The following ST8SIA5 variants were observed in gnomAD, a reference collection of about 807,000 sequenced individuals.
ST8SIA5 encodes the protein ST8 alpha-N-acetyl-neuraminide alpha-2,8-sialyltransferase 5.
ST8SIA5 carries 24 observed loss-of-function variants against 40.2 expected under a neutral mutation model. The observed-to-expected ratio is 0.60, with a 90% CI of 0.43 to 0.84. The LOEUF (loss-of-function observed/expected upper bound fraction) is 0.84. Ranked by LOEUF, ST8SIA5 falls within the 40% of genes least tolerant of loss-of-function variation. ST8SIA5 has a pLI of 0.00. For synonymous variants in ST8SIA5, 198 were observed against 201.8 expected, an observed-to-expected ratio of 0.98 and a Z score of 0.16; for missense variants, 465 against 498.5, an observed-to-expected ratio of 0.93 and a Z score of 0.64.
chr18:46,755,425 A>G (rs17779802), intron 1 of ST8SIA5, among the ~76,000 whole-genome samples: 11,952 of 152,268 alleles, frequency 0.078, 635 homozygotes, highest in South Asian at 0.15. Flanking sequence ...GCAGCAAACT[A>G]AAAAACAGCC....
At position 46,679,215 on chromosome 18, in the gene ST8SIA5, T is replaced by C. The variant is rs1367376389; in HGVS notation, c.*827A>G. 1 of 152,204 alleles carries C rather than the reference T, an allele frequency of 6.6e-6. No homozygotes were observed. Among genetic ancestry groups the C allele is most frequent in the Admixed American group, 6.5e-5 (1 of 15,290 alleles). 9.4% of individuals were successfully genotyped at this position (152,204 alleles called of 1,614,324 possible). On this transcript the variant is annotated 3_prime_UTR_variant, in exon 7 of 7. Coordinates refer to ENST00000315087, the MANE Select transcript of ST8SIA5 (RefSeq NM_013305.6). ...AGCCAATTGCTAAGCACTTATTGAGTCAATAACATTGGCTTGGAAGCCATA... is the reference window on the plus strand; with the variant it reads ...AGCCAATTGCTAAGCACTTATTGAGCCAATAACATTGGCTTGGAAGCCATA...
In ST8SIA5 at chr18:46,669,530, GC is replaced by G. The variant is rs2039295992; in HGVS notation, c.*10511del. 6.6e-6 allele frequency: 1 copy of G among 152,118 alleles called. No homozygotes were observed. Among genetic ancestry groups the G allele is most frequent in the Non-Finnish European group, 1.5e-5 (1 of 68,052 alleles). The allele number at this position is 152,118 out of a possible 1,614,324, so 9.4% of individuals were successfully genotyped here. A position where few individuals can be genotyped will look rare whatever the true frequency, so the allele number is the denominator to read the frequency against. On this transcript the variant is annotated 3_prime_UTR_variant, in exon 7 of 7. Transcript: ENST00000315087. ...TTTAAATTCACCAAAAAACACCCAG[GC>G]CTGAGTCACTGCAGAGCCAGCACAC...
intron 1 of ST8SIA5, among the ~76,000 whole-genome samples, chr18:46,710,688 C>G (rs537783598): frequency 6.6e-6 from 1 of 151,906 alleles, no homozygotes; most frequent in East Asian, 1.9e-4. Context: ...GGGTCTGGCC[C>G]TCTGAGAGCC....
chr18:46,756,441 A>G lies in ST8SIA5; in HGVS notation c.68T>C (p.Ile23Thr). 1.2e-6 allele frequency: 2 copies of G among 1,613,266 alleles called. No individual in the cohort carries two copies. Among genetic ancestry groups the G allele is most frequent in the Non-Finnish European group, 1.7e-6 (2 of 1,179,364 alleles). ...CAAGGTCACCAAGGCAAAGGCGCAG[A>G]TGAAGATGAAGAGCAAAGTTCGGCT... is the stretch of plus-strand genomic sequence containing the variant. ...LGSRTLLFIF[I>T]CAFALVTLLQ... Residue 23 changes from isoleucine (I) to threonine (T), a missense_variant, in exon 1 of 7, where the codon ATC becomes ACC. Physicochemically the swap from Ile to Thr is moderately conservative, Grantham distance 89. Coordinates refer to ENST00000315087, the MANE Select transcript of ST8SIA5 (RefSeq NM_013305.6).
chr18:46,742,202 T>TA (rs924003876), intron 1 of ST8SIA5, among the ~76,000 whole-genome samples: 3 of 152,082 alleles, frequency 2.0e-5, no homozygotes, highest in African/African-American at 7.2e-5. Context: ...GAAAATATCT[T>TA]AAAAAAATAA....
rs16960377 is a variant in ST8SIA5, at chr18:46,673,444, G to A, written c.*6598C>T. 0.07 allele frequency: 10,690 copies of A among 152,052 alleles called. 568 individuals carry two copies. Among genetic ancestry groups the A allele is most frequent in the East Asian group, 0.33 (1,663 of 5,068 alleles). The allele number at this position is 152,052 out of a possible 1,614,324, so 9.4% of individuals were successfully genotyped here. On this transcript the variant is annotated 3_prime_UTR_variant, in exon 7 of 7. Transcript: ENST00000315087. ...CTCAAGGCTCCAGTCTGAATTTCAA[G>A]CCATACATGGCCACTCAACTGGTGG...
chr18:46,730,317 C>G, intron 1 of ST8SIA5: 1 of 921,840 alleles, frequency 1.1e-6, no homozygotes, highest in Non-Finnish European at 1.3e-6. Flanking sequence ...GTTTTCTCAT[C>G]CGTCAAAGGG....
chr18:46,687,998 A>G (rs1435560631), intron 4 of ST8SIA5, among the ~76,000 whole-genome samples: 1 of 152,228 alleles, frequency 6.6e-6, no homozygotes, highest in African/African-American at 2.4e-5. Flanking sequence ...GTGAGTCTGC[A>G]CCAACCGTCA....
chr18:46,736,245 C>T (rs894101591), intron 1 of ST8SIA5, among the ~76,000 whole-genome samples: 1 of 152,200 alleles, frequency 6.6e-6, no homozygotes, highest in Non-Finnish European at 1.5e-5. Flanking sequence ...TTCCAGTGCT[C>T]AGTAGTCACA....
chr18:46,711,871 A>T (rs78863685), intron 1 of ST8SIA5, among the ~76,000 whole-genome samples: 4,208 of 152,182 alleles, frequency 0.028, 84 homozygotes, highest in Non-Finnish European at 0.042. Flanking sequence ...GCCACAGTTC[A>T]CTCATCTGTC....
chr18:46,706,789 G>T (rs1311949561), intron 1 of ST8SIA5, among the ~76,000 whole-genome samples: 1 of 152,208 alleles, frequency 6.6e-6, no homozygotes, highest in Non-Finnish European at 1.5e-5. Flanking sequence ...CAAGGCTCAA[G>T]GCATGGTTTT....
chr18:46,679,976 C>G lies in ST8SIA5; in HGVS notation c.*66G>C. ...CCCCACGCTGCCCGGTTCGGGGCTC[C>G]CAGTTCCACCAGGAGGGACAGCAGG... On this transcript the variant is annotated 3_prime_UTR_variant, in exon 7 of 7. Transcript: ENST00000315087. 1 of 1,497,582 alleles carries G rather than the reference C, an allele frequency of 6.7e-7. No homozygotes were observed. Among genetic ancestry groups the G allele is most frequent in the East Asian group, 2.3e-5 (1 of 43,542 alleles). 92.8% of individuals were successfully genotyped at this position (1,497,582 alleles called of 1,614,324 possible).
intron 1 of ST8SIA5, among the ~76,000 whole-genome samples, chr18:46,717,008 G>A (rs2039798769): frequency 6.6e-6 from 1 of 152,248 alleles, no homozygotes; most frequent in South Asian, 2.1e-4. Flanking sequence ...TGCTGGGACA[G>A]TGTCTGGGGG....
intron 1 of ST8SIA5, among the ~76,000 whole-genome samples, chr18:46,709,056 TG>T (rs1379496871): frequency 6.6e-6 from 1 of 152,200 alleles, no homozygotes; most frequent in Non-Finnish European, 1.5e-5. Context: ...TCTGCTTTTT[TG>T]GTCCGTACTG....
rs1234589129 is a variant in ST8SIA5, at chr18:46,735,653, C to A, written c.131+20725G>T. 2.6e-5 allele frequency among the ~76,000 whole-genome samples: 4 copies of A among 152,212 alleles called. No individual in the cohort carries two copies. In the East Asian group the frequency reaches 7.7e-4, roughly 29 times the overall value. On this transcript the variant is annotated intron_variant, in intron 1 of 6. Coordinates refer to ENST00000315087, the MANE Select transcript of ST8SIA5 (RefSeq NM_013305.6). Reference sequence around the variant, plus strand: ...TTTGAGACAGGGTCTTGCCCTGTTGCCCAGGCTGGAATGTAGCAGTGCTGT... The same window carrying A: ...TTTGAGACAGGGTCTTGCCCTGTTGACCAGGCTGGAATGTAGCAGTGCTGT...
At position 46,679,553 on chromosome 18, in the gene ST8SIA5, G is replaced by T; in HGVS notation, c.*489C>A. 6.0e-6 allele frequency: 1 copy of T among 165,474 alleles called. No individual in the cohort carries two copies. The highest frequency in any genetic ancestry group is 1.3e-5 in the Non-Finnish European group (1 of 75,194). The allele number at this position is 165,474 out of a possible 1,614,324, so 10.3% of individuals were successfully genotyped here. A position where few individuals can be genotyped will look rare whatever the true frequency, so the allele number is the denominator to read the frequency against. ...GATTTAGATAGCAATTCATAGCTAAGTCTTCGATATAAAACACAGGAACCA... is the reference window on the plus strand; with the variant it reads ...GATTTAGATAGCAATTCATAGCTAATTCTTCGATATAAAACACAGGAACCA... On this transcript the variant is annotated 3_prime_UTR_variant, in exon 7 of 7. Coordinates refer to ENST00000315087, the MANE Select transcript of ST8SIA5 (RefSeq NM_013305.6).
At chr18:46,694,756 A>G (rs1200602557) in intron 2 of ST8SIA5, among the ~76,000 whole-genome samples, 1 of 152,026 alleles carries the variant, frequency 6.6e-6, no homozygotes, top group East Asian at 1.9e-4. Context: ...TTATAGGCAA[A>G]ATCCATGTCT....
At chr18:46,708,551 C>A (rs1381683471) in intron 1 of ST8SIA5, among the ~76,000 whole-genome samples, 1 of 152,132 alleles carries the variant, frequency 6.6e-6, no homozygotes, top group Non-Finnish European at 1.5e-5. Flanking sequence ...AGAGCCCATG[C>A]CCCTATCAGG....
rs903666164 is a variant in ST8SIA5, at chr18:46,679,001, G to A, written c.*1041C>T. The A allele has an allele frequency of 1.3e-5, 2 of 152,266 alleles. No homozygotes were observed. The highest frequency in any genetic ancestry group is 6.5e-5 in the Admixed American group (1 of 15,280). 9.4% of individuals were successfully genotyped at this position (152,266 alleles called of 1,614,324 possible). ...AAGCCTCAGTGATGCTGGTGTCGGA[G>A]GCCACAACTCGTTTCTCTCTGCTAA... is the stretch of plus-strand genomic sequence containing the variant. On this transcript the variant is annotated 3_prime_UTR_variant, in exon 7 of 7. Coordinates refer to ENST00000315087, the MANE Select transcript of ST8SIA5 (RefSeq NM_013305.6).
Sources: allele counts gnomAD v4.1 joint callset (sites outside exome capture counted in the v4.1 genomes callset), GRCh38; gene constraint gnomAD v4.1.1; transcripts MANE v1.5; gene names NCBI Gene and HGNC (gene_info 2026-07-23, HGNC 2026-07-21).